The following LYAR variants were observed in gnomAD, a reference collection of about 807,000 sequenced individuals.
LYAR encodes the protein cell growth-regulating nucleolar protein.
LYAR carries 37 observed loss-of-function variants against 45.2 expected under a neutral mutation model. That is an observed-to-expected ratio of 0.82 (90% CI 0.63 to 1.08). The LOEUF is 1.08. LYAR is among the 50% of genes least tolerant of loss of function. The probability of loss-of-function intolerance (pLI) is 0.00; values close to 1 mark genes in which losing one functional copy is unlikely to be tolerated. For synonymous variants in LYAR, 176 were observed against 155.1 expected, an observed-to-expected ratio of 1.14 and a Z score of -1.00; for missense variants, 493 against 451.0, an observed-to-expected ratio of 1.09 and a Z score of -0.84.
chr4:4,276,788 C>G (rs550012945), intron 6 of LYAR, among the ~76,000 whole-genome samples: 2 of 148,864 alleles, frequency 1.3e-5, no homozygotes. Flanking sequence ...ACCCAGGAGG[C>G]AGAGGTTGCT....
intron 6 of LYAR, among the ~76,000 whole-genome samples, chr4:4,276,507 C>A (rs1205785377): frequency 1.3e-5 from 2 of 148,860 alleles, no homozygotes; most frequent in Non-Finnish European, 3.0e-5. Context: ...CACGCCACTG[C>A]ACTCCAGCCT....
At chr4:4,279,026 T>C (rs10937841) in intron 6 of LYAR, among the ~76,000 whole-genome samples, 56,606 of 152,038 alleles carry the variant, frequency 0.37, 11,102 homozygotes, top group East Asian at 0.55. Flanking sequence ...TAAGAGGTTC[T>C]CTAAAAAAGA....
At chr4:4,271,298 T>C (rs1718921081) in intron 8 of LYAR, among the ~76,000 whole-genome samples, 1 of 152,186 alleles carries the variant, frequency 6.6e-6, no homozygotes, top group Non-Finnish European at 1.5e-5. Flanking sequence ...TTATTTCACT[T>C]AGCATAATGA....
chr4:4,281,456 A>C (rs1719389848), intron 4 of LYAR, among the ~76,000 whole-genome samples: 1 of 150,594 alleles, frequency 6.6e-6, no homozygotes, highest in Non-Finnish European at 1.5e-5. Context: ...AGTAGCTGGG[A>C]TTACAGGCAC....
At chr4:4,289,706 T>A (rs1300829799) in intron 1 of LYAR, 1 of 152,256 alleles carries the variant, frequency 6.6e-6, no homozygotes, top group Non-Finnish European at 1.5e-5. Flanking sequence ...AGGCCTCCTC[T>A]TTAGGGACTG....
In LYAR at chr4:4,274,652, C is replaced by A. The variant is rs1453626801; in HGVS notation, c.547G>T (p.Glu183Ter). Reference protein sequence around the residue: ...KVKDAVEQQGEVKKNKRERKE... With the variant: ...KVKDAVEQQG Reference sequence around the variant, plus strand: ...CTTTCTCTTTTATTCTTCTTCACCTCCCCTTGCTGTTCCACGGCGTCTTTC... The same window carrying A: ...CTTTCTCTTTTATTCTTCTTCACCTACCCTTGCTGTTCCACGGCGTCTTTC... Residue 183 changes from glutamate (E) to a stop codon, truncating the protein, a stop_gained, in exon 7 of 10, where the codon GAG becomes TAG. Coordinates refer to ENST00000343470, the MANE Select transcript of LYAR (RefSeq NM_017816.3). LOFTEE classifies it high-confidence loss of function. The A allele has an allele frequency of 6.2e-7, 1 of 1,614,158 alleles. No homozygotes were observed. Among genetic ancestry groups the A allele is most frequent in the Non-Finnish European group, 8.5e-7 (1 of 1,180,042 alleles).
At chr4:4,286,057 T>A (rs1162240693) in intron 2 of LYAR, among the ~76,000 whole-genome samples, 1 of 152,248 alleles carries the variant, frequency 6.6e-6, no homozygotes, top group African/African-American at 2.4e-5. Context: ...TGGTCTTTAC[T>A]TGTTTAAGGC....
intron 2 of LYAR, among the ~76,000 whole-genome samples, chr4:4,285,417 T>TA (rs139987550): frequency 0.037 from 5,566 of 152,212 alleles, 154 homozygotes; most frequent in Non-Finnish European, 0.057. Context: ...CTTACCATTC[T>TA]AAAAAAAGGC....
Position 4,274,366 on chromosome 4 carries a change from C to G in LYAR, c.832+1G>C. The G allele has an allele frequency of 1.2e-6, 2 of 1,607,800 alleles. No individual in the cohort carries two copies. Among genetic ancestry groups the G allele is most frequent in the South Asian group, 1.1e-5 (1 of 90,214 alleles). ...TCCCAGAGCGTGAGCTAGCCACTTA[C>G]CTTCCGAGTGCCTCCGCTTCCTCTT... On this transcript the variant is annotated splice_donor_variant, in intron 7 of 9. Transcript: ENST00000343470. LOFTEE classifies it high-confidence loss of function.
intron 6 of LYAR, among the ~76,000 whole-genome samples, chr4:4,276,908 G>A (rs1406900513): frequency 3.3e-5 from 5 of 152,188 alleles, no homozygotes; most frequent in Non-Finnish European, 7.4e-5. Flanking sequence ...CTCAGTAGCA[G>A]TGGCTTAGCA....
chr4:4,287,300 TCTTGCTCAGTCA>T (rs1472938537), intron 1 of LYAR, among the ~76,000 whole-genome samples: 4 of 152,172 alleles, frequency 2.6e-5, no homozygotes, highest in Admixed American at 1.3e-4. Flanking sequence ...ATACTTCGGT[TCTTGCTCAGTCA>T]CTTTAACTCA....
chr4:4,268,279 T>C (rs559584401), intron 9 of LYAR, among the ~76,000 whole-genome samples: 1 of 139,424 alleles, frequency 7.2e-6, no homozygotes, highest in East Asian at 1.9e-4. Flanking sequence ...AGAGCAAATA[T>C]CTAGAAAATA....
intron 8 of LYAR, 129 bp from the exon 9 acceptor site, chr4:4,268,744 T>C: frequency 3.2e-6 from 2 of 618,990 alleles, no homozygotes; most frequent in Admixed American, 5.7e-5. Context: ...CCAGACTCCA[T>C]AGCACCAAGC....
At chr4:4,273,437 T>C in intron 8 of LYAR, 146 bp downstream of exon 8, 1 of 603,812 alleles carries the variant, frequency 1.7e-6, no homozygotes, top group South Asian at 2.0e-5. Flanking sequence ...CTCTCTCGCT[T>C]TTTGAAAGTG....
Position 4,286,567 on chromosome 4 carries a change from C to G in LYAR, c.-102G>C, listed in dbSNP as rs1490864271. ...AGTCACTCCAATGGAAGACAGCAAA[C>G]ATTGCCTAAAACAAAAAAGTAAAAC... On this transcript the variant is annotated 5_prime_UTR_variant, in exon 2 of 10. The change abolishes an upstream ATG in the 5' untranslated region. Coordinates refer to ENST00000343470, the MANE Select transcript of LYAR (RefSeq NM_017816.3). The G allele has an allele frequency of 6.6e-6, 1 of 151,498 alleles. No individual in the cohort carries two copies. Among genetic ancestry groups the G allele is most frequent in the Non-Finnish European group, 1.5e-5 (1 of 67,964 alleles). The allele number at this position is 151,498 out of a possible 1,614,324, so 9.4% of individuals were successfully genotyped here.
At chr4:4,289,357 GTAA>G (rs1295467755) in intron 1 of LYAR, among the ~76,000 whole-genome samples, 9 of 152,150 alleles carry the variant, frequency 5.9e-5, no homozygotes, top group Non-Finnish European at 1.5e-5. Context: ...CACAGTGTGA[GTAA>G]GTCCCAAGTG....
intron 6 of LYAR, 62 bp downstream of exon 6, chr4:4,279,385 C>T (rs1719307698): frequency 2.7e-6 from 3 of 1,113,960 alleles, no homozygotes; most frequent in Non-Finnish European, 1.3e-6. Context: ...ATAAGAAATT[C>T]CCATTTCATT....
rs13148790 is a variant in LYAR, at chr4:4,281,562, G to A, written c.237+221C>T. Among the ~76,000 whole-genome samples the A allele has an allele frequency of 0.22, 33,500 of 152,074 alleles. 4,635 individuals carry two copies. Among genetic ancestry groups the A allele is most frequent in the Admixed American group, 0.3 (4,638 of 15,280 alleles). ...TCTTGAACTCCTGACCTCGTGACTCGCCTGCCTTGGCCTCCCAAAGTGCTG... is the reference window on the plus strand; with the variant it reads ...TCTTGAACTCCTGACCTCGTGACTCACCTGCCTTGGCCTCCCAAAGTGCTG... On this transcript the variant is annotated intron_variant, in intron 4 of 9. Transcript: ENST00000343470.
intron 1 of LYAR, among the ~76,000 whole-genome samples, chr4:4,289,327 T>C (rs1231816142): frequency 1.3e-5 from 2 of 152,192 alleles, no homozygotes; most frequent in Non-Finnish European, 2.9e-5. Flanking sequence ...GGCACTATGC[T>C]AGACCCTGGG....
Sources: gnomAD v4.1 joint callset for allele counts (sites outside exome capture counted in the v4.1 genomes callset) on GRCh38, gnomAD v4.1.1 for gene constraint, MANE v1.5 for transcripts, NCBI Gene and HGNC (gene_info 2026-07-23, HGNC 2026-07-21) for gene names.